PTPRC: variants seen among roughly 807,000 people sequenced by gnomAD.
The protein encoded by PTPRC is receptor-type tyrosine-protein phosphatase C.
PTPRC carries 44 observed loss-of-function variants against 155.9 expected under a neutral mutation model. The ratio of observed to expected loss-of-function variants is 0.28; its 90% confidence interval spans 0.22 to 0.36. The LOEUF (loss-of-function observed/expected upper bound fraction) is 0.36. PTPRC is among the 10% of genes least tolerant of loss of function. PTPRC has a pLI of 1.00. For synonymous variants in PTPRC, 525 were observed against 533.1 expected (o/e 0.98, Z 0.21); for missense variants, 1,401 against 1,564.6 (o/e 0.90, Z 1.76).
chr1:198,747,616 AGAAAT>A (rs1655192521), intron 26 of PTPRC, among the ~76,000 whole-genome samples: 1 of 151,908 alleles, frequency 6.6e-6, no homozygotes, highest in Non-Finnish European at 1.5e-5. Flanking sequence ...ATTTGTGTAT[AGAAAT>A]GATGGATCTT....
intron 12 of PTPRC, among the ~76,000 whole-genome samples, chr1:198,713,377 T>C (rs1241598572): frequency 6.7e-6 from 1 of 150,140 alleles, no homozygotes; most frequent in Admixed American, 6.6e-5. Flanking sequence ...GCAAGTATTA[T>C]GTAAGTGATT....
chr1:198,681,689 G>T (rs1477417020), intron 2 of PTPRC, among the ~76,000 whole-genome samples: 1 of 152,068 alleles, frequency 6.6e-6, no homozygotes, highest in Non-Finnish European at 1.5e-5. Flanking sequence ...AATCAATGGT[G>T]ACTTTTTATG....
intron 7 of PTPRC, among the ~76,000 whole-genome samples, chr1:198,704,096 G>A (rs958798111): frequency 5.3e-5 from 8 of 151,824 alleles, no homozygotes; most frequent in Middle Eastern, 3.2e-3. Context: ...TATAAACTTC[G>A]TACTATGGGG....
At chr1:198,714,565 G>A (rs532973965) in intron 12 of PTPRC, among the ~76,000 whole-genome samples, 92 of 152,242 alleles carry the variant, frequency 6.0e-4, no homozygotes, top group Non-Finnish European at 1.2e-3. Flanking sequence ...CAAAGCTGCC[G>A]ATTGGTGACT....
rs1293693946 is a variant in PTPRC, at chr1:198,694,723, C to T, written c.101-1989C>T. On this transcript the variant is annotated intron_variant, in intron 3 of 32. Transcript: ENST00000442510. ...TTCTAAACTCTCTCCTTCCTTCCTCCCTCCCTTCTTTCCTACTTTCTTTCC... is the reference window on the plus strand; with the variant it reads ...TTCTAAACTCTCTCCTTCCTTCCTCTCTCCCTTCTTTCCTACTTTCTTTCC... The T allele has an allele frequency of 9.3e-6, 9 of 968,830 alleles. No individual in the cohort carries two copies. The East Asian group carries it at 3.4e-4, about 37-fold the overall frequency. The allele number at this position is 968,830 out of a possible 1,614,324, so 60.0% of individuals were successfully genotyped here.
chr1:198,693,234 G>C (rs1666023522), intron 3 of PTPRC: 1 of 802,110 alleles, frequency 1.2e-6, no homozygotes, highest in African/African-American at 1.9e-5. Context: ...CATGAAAATA[G>C]TAACAAAAAC....
chr1:198,746,994 A>G (rs771720855), intron 26 of PTPRC, among the ~76,000 whole-genome samples: 5 of 151,908 alleles, frequency 3.3e-5, no homozygotes, highest in South Asian at 4.1e-4. Flanking sequence ...ATATATGTCT[A>G]TATACACACA....
chr1:198,729,148 A>T lies in PTPRC; in HGVS notation c.1841A>T (p.Glu614Val). Reference sequence around the variant, plus strand: ...TCCTATTTTCACAGCAATTTAGATGAACAGCAGGAGCTTGTTGAAAGGGGT... The same window carrying T: ...TCCTATTTTCACAGCAATTTAGATGTACAGCAGGAGCTTGTTGAAAGGGGT... ...LHKKRSCNLD[E>V]QQELVERDDE... Residue 614 changes from glutamate to valine, a missense_variant, in exon 17 of 33, where the codon GAA becomes GTA. Physicochemically the swap from Glu to Val is moderately radical, Grantham distance 121 (BLOSUM62 -2). This residue lies in a region of PTPRC where 867 missense variants were observed against 970.4 expected (regional missense o/e 0.89). Coordinates refer to ENST00000442510, the MANE Select transcript of PTPRC (RefSeq NM_002838.5). 6.2e-7 allele frequency: 1 copy of T among 1,611,106 alleles called. No individual in the cohort carries two copies. The highest frequency in any genetic ancestry group is 1.3e-5 in the African/African-American group (1 of 74,948).
intron 26 of PTPRC, among the ~76,000 whole-genome samples, chr1:198,745,216 C>T (rs1655085449): frequency 6.6e-6 from 1 of 151,698 alleles, no homozygotes; most frequent in African/African-American, 2.4e-5. Flanking sequence ...GCTTGAGTTT[C>T]TGCTATGTGC....
chr1:198,751,212 C>T (rs1238814044), intron 29 of PTPRC, among the ~76,000 whole-genome samples: 1 of 151,942 alleles, frequency 6.6e-6, no homozygotes, highest in Non-Finnish European at 1.5e-5. Context: ...TCTTTATTCC[C>T]ATATAATATT....
At chr1:198,714,404 G>A (rs1653463987) in intron 12 of PTPRC, among the ~76,000 whole-genome samples, 2 of 152,012 alleles carry the variant, frequency 1.3e-5, no homozygotes, top group Admixed American at 1.3e-4. Flanking sequence ...TGAGTTAGTA[G>A]CAACTCATTA....
chr1:198,719,330 G>A (rs191301061), intron 14 of PTPRC, among the ~76,000 whole-genome samples: 1 of 151,738 alleles, frequency 6.6e-6, no homozygotes, highest in African/African-American at 2.4e-5. Context: ...GTTATTCTTT[G>A]CCTCTTTTAT....
At position 198,741,961 on chromosome 1, in the gene PTPRC, C is replaced by G. The variant is rs1448831174; in HGVS notation, c.2496C>G (p.Leu832=). Residue 832 remains leucine, a synonymous_variant, in exon 24 of 33, where the codon CTC becomes CTG. Coordinates refer to ENST00000442510, the MANE Select transcript of PTPRC (RefSeq NM_002838.5). ...HGVPEDPHLL[L]KLRRRVNAFS... ...TGCCTGAGGATCCTCACTTGCTCCT[C>G]AAACTGAGAAGGAGAGTGAATGCCT... 2 of 1,611,462 alleles carry G rather than the reference C, an allele frequency of 1.2e-6. No homozygotes were observed. The highest frequency in any genetic ancestry group is 2.2e-5 in the East Asian group (1 of 44,634).
At chr1:198,707,895 G>T (rs191174325) in intron 9 of PTPRC, among the ~76,000 whole-genome samples, 4 of 152,206 alleles carry the variant, frequency 2.6e-5, no homozygotes, top group African/African-American at 9.6e-5. Context: ...TTTTAACGTG[G>T]TATAACTTAT....
At chr1:198,748,254 T>C (rs1326741177) in intron 27 of PTPRC, 55 bp downstream of exon 27, 1 of 1,548,802 alleles carries the variant, frequency 6.5e-7, no homozygotes, top group African/African-American at 1.4e-5. Context: ...CTCTTTTGGA[T>C]TTGTTTAATG....
intron 2 of PTPRC, among the ~76,000 whole-genome samples, chr1:198,645,919 T>C (rs1662913634): frequency 1.3e-5 from 2 of 151,806 alleles, no homozygotes; most frequent in South Asian, 4.2e-4. Context: ...ATCCTTACTG[T>C]GTCCATACCC....
chr1:198,646,563 C>T (rs1571775624), intron 2 of PTPRC, among the ~76,000 whole-genome samples: 1 of 151,670 alleles, frequency 6.6e-6, no homozygotes, highest in Non-Finnish European at 1.5e-5. Context: ...CAATATTAAC[C>T]ATTCTCAATT....
In PTPRC at chr1:198,750,545, C is replaced by T. The variant is rs375079291; in HGVS notation, c.3126C>T (p.Thr1042=). 1 of 1,612,274 alleles carries T rather than the reference C, an allele frequency of 6.2e-7. No homozygotes were observed. Among genetic ancestry groups the T allele is most frequent in the Non-Finnish European group, 8.5e-7 (1 of 1,178,680 alleles). Reference sequence around the variant, plus strand: ...CTGCTCAGGGACCACTGAAGGAGACCATTGGTGACTTTTGGCAGATGATCT... The same window carrying T: ...CTGCTCAGGGACCACTGAAGGAGACTATTGGTGACTTTTGGCAGATGATCT... ...MIAAQGPLKE[T]IGDFWQMIFQ... The change falls in exon 29 of 33, where the codon ACC becomes ACT. Residue 1042 remains threonine (T), a synonymous_variant. Transcript: ENST00000442510.
chr1:198,720,360 T>C (rs1003737147), intron 14 of PTPRC, among the ~76,000 whole-genome samples: 5 of 152,144 alleles, frequency 3.3e-5, no homozygotes, highest in African/African-American at 1.2e-4. Flanking sequence ...AGAAAGAGTC[T>C]CGCTTTGTCA....
Sources: gnomAD v4.1 joint callset for allele counts (sites outside exome capture counted in the v4.1 genomes callset) on GRCh38, gnomAD v4.1.1 for gene constraint, gnomAD v4.1.1 regional missense constraint, MANE v1.5 for transcripts, NCBI Gene and HGNC (gene_info 2026-07-23, HGNC 2026-07-21) for gene names.